Variants in IQCE observed in about 807,000 individuals in gnomAD.
IQCE encodes the protein IQ motif containing E, also known as IQ domain-containing protein E.
IQCE carries 115 observed loss-of-function variants against 96.0 expected under a neutral mutation model. That is an observed-to-expected ratio of 1.20 (90% CI 1.03 to 1.40). IQCE has a LOEUF of 1.40. Ranked by LOEUF, IQCE falls within the 40% of genes most tolerant of loss-of-function variation. IQCE has a pLI of 0.00. For synonymous variants in IQCE, 412 were observed against 371.2 expected (o/e 1.11, Z -1.26); for missense variants, 1,041 against 909.1 (o/e 1.15, Z -1.87).
At chr7:2,600,405 G>A (rs1784355274) in intron 17 of IQCE, among the ~76,000 whole-genome samples, 1 of 152,200 alleles carries the variant, frequency 6.6e-6, no homozygotes, top group Non-Finnish European at 1.5e-5. Flanking sequence ...AGTTTCCCTT[G>A]GTAACTGGCC....
chr7:2,561,216 C>G (rs1474014643), intron 1 of IQCE, among the ~76,000 whole-genome samples: 1 of 152,088 alleles, frequency 6.6e-6, no homozygotes, highest in African/African-American at 2.4e-5. Flanking sequence ...CCTTGGCCTC[C>G]CAAAGTGCTG....
intron 13 of IQCE, among the ~76,000 whole-genome samples, chr7:2,588,101 C>T (rs1379989462): frequency 1.3e-5 from 2 of 152,224 alleles, no homozygotes; most frequent in South Asian, 2.1e-4. Flanking sequence ...CGCAGGCAGA[C>T]GCGCTTCGCA....
intron 1 of IQCE, among the ~76,000 whole-genome samples, chr7:2,563,374 G>GA (rs1781109144): frequency 9.4e-6 from 1 of 106,606 alleles, no homozygotes; most frequent in Non-Finnish European, 1.9e-5. Flanking sequence ...TTAATTTTTT[G>GA]TTGTGTGTGT....
At chr7:2,570,506 C>T (rs1781684036) in intron 3 of IQCE, among the ~76,000 whole-genome samples, 1 of 151,882 alleles carries the variant, frequency 6.6e-6, no homozygotes, top group South Asian at 2.1e-4. Context: ...GCAGCAGGGT[C>T]CCTGCGTCTT....
chr7:2,568,824 T>A (rs1172923835), intron 2 of IQCE, 130 bp from the exon 3 acceptor site: 2 of 794,664 alleles, frequency 2.5e-6, no homozygotes, highest in Non-Finnish European at 4.1e-6. Flanking sequence ...GGACCCTCCT[T>A]ACGTCCCCGT....
intron 6 of IQCE, among the ~76,000 whole-genome samples, chr7:2,575,835 C>T (rs1440988075): frequency 2.0e-5 from 3 of 152,128 alleles, no homozygotes; most frequent in Admixed American, 6.5e-5. Flanking sequence ...CCTGCCGTGT[C>T]GATCGCTGGC....
intron 6 of IQCE, 77 bp from the exon 7 acceptor site, chr7:2,578,165 C>T (rs1782346074): frequency 1.8e-6 from 2 of 1,109,178 alleles, no homozygotes; most frequent in Non-Finnish European, 2.7e-6. Flanking sequence ...GTGTGCGTGG[C>T]TGTGTGCGCG....
rs1782365952 is a variant in IQCE, at chr7:2,578,318, A to G, written c.542A>G (p.Lys181Arg). Residue 181 changes from lysine to arginine, a missense_variant, in exon 7 of 22, where the codon AAG becomes AGG. Transcript: ENST00000402050. ...LRRLEEENSRKDRQIEQLLDP... is the reference protein window; with the variant it reads ...LRRLEEENSRRDRQIEQLLDP... ...CGCCTGGAGGAGGAAAACAGCAGGA[A>G]GGACCGGCAGATAGAGCAGCTCCTG... 6.2e-7 allele frequency: 1 copy of G among 1,614,074 alleles called. No individual in the cohort carries two copies. The highest frequency in any genetic ancestry group is 8.5e-7 in the Non-Finnish European group (1 of 1,179,986).
rs917549120 is a variant in IQCE, at chr7:2,610,422, A to C, written c.*260A>C. On this transcript the variant is annotated 3_prime_UTR_variant, in exon 22 of 22. Transcript: ENST00000402050. Reference sequence around the variant, plus strand: ...TGGTGGATTTTCAGTGCCAACAGACACATCTGCCGTGAACTCGCAGATGCC... The same window carrying C: ...TGGTGGATTTTCAGTGCCAACAGACCCATCTGCCGTGAACTCGCAGATGCC... The C allele has an allele frequency of 9.5e-6, 4 of 422,142 alleles. No homozygotes were observed. Among genetic ancestry groups the C allele is most frequent in the African/African-American group, 8.1e-5 (4 of 49,390 alleles). 26.1% of individuals were successfully genotyped at this position (422,142 alleles called of 1,614,324 possible).
rs540125163 is a variant in IQCE at position 2,581,309 on chromosome 7, G to A, written c.631-1271G>A. On this transcript the variant is annotated intron_variant, in intron 8 of 21. Coordinates refer to ENST00000402050, the MANE Select transcript of IQCE (RefSeq NM_152558.5). ...CACCCTCCACTTCCCATGTTCAAGC[G>A]ATTCTCCTGCCTCAGCCTCCTGAGT... Among the ~76,000 whole-genome samples the A allele has an allele frequency of 2.8e-3, 419 of 151,532 alleles. 2 individuals are homozygous for A. Among genetic ancestry groups the A allele is most frequent in the African/African-American group, 9.6e-3 (397 of 41,334 alleles).
intron 17 of IQCE, among the ~76,000 whole-genome samples, chr7:2,600,335 GC>G (rs1310793760): frequency 2.0e-5 from 3 of 152,204 alleles, no homozygotes; most frequent in African/African-American, 7.2e-5. Context: ...GACCAGGCCG[GC>G]CCCTGTTTGT....
chr7:2,605,108 G>T (rs2128472185), intron 19 of IQCE, 117 bp downstream of exon 19: 1 of 709,584 alleles, frequency 1.4e-6, no homozygotes, highest in East Asian at 2.7e-5. Context: ...CCGCCCAGCA[G>T]GCGTCCCCTG....
At chr7:2,591,384 T>A (rs1174311906) in intron 14 of IQCE, among the ~76,000 whole-genome samples, 3 of 152,054 alleles carry the variant, frequency 2.0e-5, no homozygotes, top group Non-Finnish European at 4.4e-5. Flanking sequence ...CTGGCTCCTG[T>A]CCTCCTCCTG....
chr7:2,591,709 C>T (rs1783601127), intron 14 of IQCE, among the ~76,000 whole-genome samples: 1 of 151,820 alleles, frequency 6.6e-6, no homozygotes, highest in Non-Finnish European at 1.5e-5. Flanking sequence ...CAAACTCTGC[C>T]TCCCCAGTTC....
Position 2,586,242 on chromosome 7 carries a change from C to T in IQCE, c.859C>T (p.Gln287Ter), listed in dbSNP as rs1158112593. 1 of 1,613,814 alleles carries T rather than the reference C, an allele frequency of 6.2e-7. No homozygotes were observed. Among genetic ancestry groups the T allele is most frequent in the African/African-American group, 1.3e-5 (1 of 74,912 alleles). ...LGEKKTGAKR[Q>*]KKMGSALLSL... ...GGAGAAGAAGACGGGCGCCAAAAGGCAGAAGAAGATGGGCAGTGCCCTCCT... is the reference window on the plus strand; with the variant it reads ...GGAGAAGAAGACGGGCGCCAAAAGGTAGAAGAAGATGGGCAGTGCCCTCCT... The change falls in exon 12 of 22, where the codon CAG becomes TAG. Residue 287 changes from glutamine to a stop codon, truncating the protein, a stop_gained. Transcript: ENST00000402050. LOFTEE classifies it high-confidence loss of function.
intron 6 of IQCE, among the ~76,000 whole-genome samples, chr7:2,574,652 A>C (rs561740255): frequency 3.3e-5 from 5 of 152,140 alleles, no homozygotes; most frequent in Non-Finnish European, 7.4e-5. Context: ...AGTCTCTTGA[A>C]TCTATAGGTT....
At position 2,593,759 on chromosome 7, in the gene IQCE, C is replaced by G. The variant is rs544632905; in HGVS notation, c.1349+633C>G. On this transcript the variant is annotated intron_variant, in intron 15 of 21. Transcript: ENST00000402050. The stretch of plus-strand genomic sequence containing the variant: ...ACTGCTGACGAGCATGGCTTCCTTT[C>G]TGGGGCGATGTAAACGTTCTGGAAT... Among the ~76,000 whole-genome samples, 24 of 152,340 alleles carry G rather than the reference C, an allele frequency of 1.6e-4. No individual in the cohort carries two copies. In the East Asian group the frequency reaches 4.6e-3, roughly 29 times the overall value.
intron 20 of IQCE, 149 bp from the exon 21 acceptor site, chr7:2,606,975 C>T (rs1412331966): frequency 6.0e-6 from 4 of 662,008 alleles, no homozygotes; most frequent in African/African-American, 5.7e-5. Flanking sequence ...ATATTGGGTA[C>T]AGCGCTGGTC....
At chr7:2,596,057 G>A (rs1784013619) in intron 16 of IQCE, among the ~76,000 whole-genome samples, 1 of 152,228 alleles carries the variant, frequency 6.6e-6, no homozygotes, top group South Asian at 2.1e-4. Flanking sequence ...CGAAAAGCAA[G>A]GAACTTGGTG....
Sources: gnomAD v4.1 joint callset for allele counts (sites outside exome capture counted in the v4.1 genomes callset) on GRCh38, gnomAD v4.1.1 for gene constraint, MANE v1.5 for transcripts, NCBI Gene and HGNC (gene_info 2026-07-23, HGNC 2026-07-21) for gene names.